Variants in GMPR observed in about 807,000 individuals in gnomAD.
GMPR encodes guanosine monophosphate reductase, also known as GMP reductase 1.
Under a neutral mutation model 38.4 loss-of-function variants are expected in GMPR, and 31 were observed. The ratio of observed to expected loss-of-function variants is 0.81; its 90% CI spans 0.61 to 1.09. The LOEUF (loss-of-function observed/expected upper bound fraction) is 1.09, where lower values mean the gene tolerates loss of function less well. Ranked by LOEUF, GMPR falls within the 50% of genes least tolerant of loss-of-function variation. GMPR has a pLI of 0.00. For synonymous variants in GMPR, 162 were observed against 173.3 expected (o/e 0.93, Z 0.51); for missense variants, 468 against 453.7 (o/e 1.03, Z -0.29).
Position 16,250,315 on chromosome 6 carries a change from A to G in GMPR, c.239A>G (p.Tyr80Cys). 6.2e-7 allele frequency: 1 copy of G among 1,609,040 alleles called. No homozygotes were observed. Among genetic ancestry groups the G allele is most frequent in the South Asian group, 1.1e-5 (1 of 90,958 alleles). ...ATGTTTACAGCAATTCATAAGCATT[A>G]CTCCCTGGATGACTGGAAGCTCTTT... Reference protein sequence around the residue: ...HSMFTAIHKHYSLDDWKLFAT... With the variant: ...HSMFTAIHKHCSLDDWKLFAT... The change falls in exon 3 of 9, where the codon TAC becomes TGC. Residue 80 changes from tyrosine (Y) to cysteine (C), a missense_variant. Tyr to Cys is a radical substitution (Grantham distance 194, BLOSUM62 -2). Transcript: ENST00000259727.
chr6:16,243,175 C>T (rs1257943518), intron 1 of GMPR, among the ~76,000 whole-genome samples: 1 of 152,138 alleles, frequency 6.6e-6, no homozygotes, highest in Non-Finnish European at 1.5e-5. Flanking sequence ...GCGTTAGAAT[C>T]GCCTGGGGAA....
chr6:16,283,648 G>A (rs1759617277), intron 6 of GMPR, among the ~76,000 whole-genome samples: 1 of 152,176 alleles, frequency 6.6e-6, no homozygotes, highest in African/African-American at 2.4e-5. Flanking sequence ...GGCCCATCCT[G>A]GGAAGAGAAA....
chr6:16,266,268 G>A (rs746747047), intron 4 of GMPR, among the ~76,000 whole-genome samples: 34 of 151,744 alleles, frequency 2.2e-4, no homozygotes, highest in Non-Finnish European at 4.1e-4. Flanking sequence ...TCACTGCGAA[G>A]GTCTGAGGCT....
intron 2 of GMPR, among the ~76,000 whole-genome samples, chr6:16,248,950 C>G (rs1581647081): frequency 6.6e-6 from 1 of 152,148 alleles, no homozygotes; most frequent in African/African-American, 2.4e-5. Flanking sequence ...TGGGTGGCTA[C>G]TGTGAATTTT....
intron 3 of GMPR, 97 bp downstream of exon 3, chr6:16,250,464 T>G (rs1758849971): frequency 1.4e-5 from 11 of 777,104 alleles, no homozygotes; most frequent in Non-Finnish European, 4.7e-6. Context: ...AGAGAGACAT[T>G]GAGAGTTCGG....
At chr6:16,261,516 G>A (rs1019580971) in intron 4 of GMPR, among the ~76,000 whole-genome samples, 15 of 152,122 alleles carry the variant, frequency 9.9e-5, no homozygotes, top group African/African-American at 3.6e-4. Context: ...GAGAGGTATT[G>A]AGGATAGGAG....
rs186208514 is a variant in GMPR, at chr6:16,271,597, T to G, written c.466-2818T>G. 5.6e-3 allele frequency among the ~76,000 whole-genome samples: 859 copies of G among 152,306 alleles called. 5 individuals carry two copies. Among genetic ancestry groups the G allele is most frequent in the Admixed American group, 8.8e-3 (134 of 15,300 alleles). ...TCAGCCACTTGGGAAGAACTGGAGCTCGCGCCCTGCTTCTTAGGCTCCTGT... is the reference window on the plus strand; with the variant it reads ...TCAGCCACTTGGGAAGAACTGGAGCGCGCGCCCTGCTTCTTAGGCTCCTGT... On this transcript the variant is annotated intron_variant, in intron 4 of 8. Coordinates refer to ENST00000259727, the MANE Select transcript of GMPR (RefSeq NM_006877.4).
chr6:16,283,942 T>C (rs1759623824), intron 6 of GMPR, among the ~76,000 whole-genome samples: 1 of 152,178 alleles, frequency 6.6e-6, no homozygotes, highest in Non-Finnish European at 1.5e-5. Flanking sequence ...CATTTTGAGG[T>C]TGTACCTTTG....
intron 6 of GMPR, among the ~76,000 whole-genome samples, chr6:16,281,751 G>A (rs546732398): frequency 9.5e-4 from 144 of 151,646 alleles, no homozygotes; most frequent in African/African-American, 3.1e-3. Context: ...CTCATGATCC[G>A]CCCGCCTCAG....
At chr6:16,265,995 G>A (rs1031819237) in intron 4 of GMPR, among the ~76,000 whole-genome samples, 2 of 152,182 alleles carry the variant, frequency 1.3e-5, no homozygotes, top group African/African-American at 4.8e-5. Context: ...TTTAAGAGCT[G>A]TAACACTCAC....
At position 16,243,314 on chromosome 6, in the gene GMPR, A is replaced by T. The variant is rs569044778; in HGVS notation, c.88-3528A>T. 6.6e-5 allele frequency among the ~76,000 whole-genome samples: 10 copies of T among 152,342 alleles called. No individual in the cohort carries two copies. The East Asian group carries it at 1.9e-3, about 29-fold the overall frequency. On this transcript the variant is annotated intron_variant, in intron 1 of 8. Coordinates refer to ENST00000259727, the MANE Select transcript of GMPR (RefSeq NM_006877.4). The stretch of plus-strand genomic sequence containing the variant: ...GATGTGTACCCGGGTGTGCTGGACC[A>T]GCCTCTGAAGCCCTTTCCATTTGTG...
At chr6:16,270,784 C>A (rs1339993994) in intron 4 of GMPR, among the ~76,000 whole-genome samples, 2 of 152,208 alleles carry the variant, frequency 1.3e-5, no homozygotes, top group Non-Finnish European at 2.9e-5. Flanking sequence ...GCAGTGACCA[C>A]ATTTGGACCA....
intron 7 of GMPR, among the ~76,000 whole-genome samples, chr6:16,288,702 G>GT (rs1355512099): frequency 6.6e-6 from 1 of 152,228 alleles, no homozygotes; most frequent in East Asian, 1.9e-4. Flanking sequence ...TCCACTGGAT[G>GT]AAGCCAGCTG....
chr6:16,263,338 A>G (rs182863905), intron 4 of GMPR: 2 of 152,058 alleles, frequency 1.3e-5, no homozygotes, highest in East Asian at 1.9e-4. Flanking sequence ...TCGAGTTTGT[A>G]TTGGGGTCAA....
intron 4 of GMPR, among the ~76,000 whole-genome samples, chr6:16,258,880 C>T (rs1161950157): frequency 6.6e-6 from 1 of 152,140 alleles, no homozygotes; most frequent in Non-Finnish European, 1.5e-5. Context: ...ACGATTGTTA[C>T]AATACAGTGA....
intron 8 of GMPR, 122 bp downstream of exon 8, chr6:16,290,743 T>G (rs1759826862): frequency 1.3e-6 from 1 of 791,618 alleles, no homozygotes; most frequent in Non-Finnish European, 2.0e-6. Flanking sequence ...AAGGGGTTCT[T>G]TTTAAAGACC....
At chr6:16,282,621 G>A (rs1157231868) in intron 6 of GMPR, among the ~76,000 whole-genome samples, 1 of 152,118 alleles carries the variant, frequency 6.6e-6, no homozygotes, top group Non-Finnish European at 1.5e-5. Flanking sequence ...GAGTTTGAAT[G>A]GAAAAATGAC....
chr6:16,279,497 G>T (rs1362802042), intron 6 of GMPR, among the ~76,000 whole-genome samples: 1 of 152,224 alleles, frequency 6.6e-6, no homozygotes, highest in African/African-American at 2.4e-5. Flanking sequence ...GTCACATTCT[G>T]AGATGCTAGG....
intron 4 of GMPR, among the ~76,000 whole-genome samples, chr6:16,259,870 G>A (rs1369529356): frequency 6.6e-6 from 1 of 152,132 alleles, no homozygotes; most frequent in Non-Finnish European, 1.5e-5. Context: ...ATAGCACCAG[G>A]AGATATCAGC....
Sources: allele counts gnomAD v4.1 joint callset (sites outside exome capture counted in the v4.1 genomes callset), GRCh38; gene constraint gnomAD v4.1.1; transcripts MANE v1.5; gene names NCBI Gene and HGNC (gene_info 2026-07-23, HGNC 2026-07-21).